Variants in KMT2A observed in about 807,000 individuals in gnomAD.
KMT2A encodes lysine methyltransferase 2A.
Under a neutral mutation model 345.3 loss-of-function variants are expected in KMT2A, and 16 were observed. The ratio of observed to expected loss-of-function variants is 0.05; its 90% CI spans 0.03 to 0.07. The LOEUF is 0.07. Among genes scored for constraint, KMT2A ranks in the 10% least tolerant of loss-of-function variants. The pLI is 1.00. For synonymous variants in KMT2A, 1,599 were observed against 1,778.6 expected, an observed-to-expected ratio of 0.90 and a Z score of 2.54; for missense variants, 3,272 against 4,841.6, an observed-to-expected ratio of 0.68 and a Z score of 9.62.
chr11:118,502,621 C>G lies in KMT2A; in HGVS notation c.6729C>G (p.Ala2243=), dbSNP rs1473681668. 3.1e-6 allele frequency: 5 copies of G among 1,614,074 alleles called. No individual in the cohort carries two copies. In the African/African-American group the frequency reaches 6.7e-5, roughly 22 times the overall value. ...TGTATDLESS[A]KVVDHVLGPL... is the part of the protein sequence containing the mutation. The stretch of plus-strand genomic sequence containing the variant: ...CCGCTACTGATCTTGAATCAAGTGC[C>G]AAAGTAGTTGATCATGTCTTAGGGC... Residue 2243 remains alanine, a synonymous_variant, in exon 27 of 36, where the codon GCC becomes GCG. Coordinates refer to ENST00000534358, the MANE Select transcript of KMT2A (RefSeq NM_001197104.2). This position sits in a 1 kb window ranked among gnomAD's most constrained non-coding sequence, Gnocchi z 4.9.
At chr11:118,451,517 A>G (rs1949537156) in intron 1 of KMT2A, among the ~76,000 whole-genome samples, 1 of 152,178 alleles carries the variant, frequency 6.6e-6, no homozygotes, top group African/African-American at 2.4e-5. Flanking sequence ...CCTCCTGAGT[A>G]GCTGAGACTA....
At chr11:118,515,357 G>A (rs2135261055) in intron 31 of KMT2A, among the ~76,000 whole-genome samples, 1 of 152,192 alleles carries the variant, frequency 6.6e-6, no homozygotes, top group East Asian at 1.9e-4. Flanking sequence ...CATTCTTCCT[G>A]TGCCTACGGA....
chr11:118,445,016 A>G (rs77144326), intron 1 of KMT2A, among the ~76,000 whole-genome samples: 6,693 of 152,308 alleles, frequency 0.044, 193 homozygotes, highest in Non-Finnish European at 0.068. Flanking sequence ...AGGAAGCCCT[A>G]ATTGTTAGAA....
chr11:118,475,742 A>G (rs1950026239), intron 3 of KMT2A, among the ~76,000 whole-genome samples: 1 of 152,112 alleles, frequency 6.6e-6, no homozygotes, highest in Non-Finnish European at 1.5e-5. Flanking sequence ...AAATAAATAA[A>G]ATTAATGTTA....
chr11:118,462,683 T>C (rs921980820), intron 1 of KMT2A, among the ~76,000 whole-genome samples: 2 of 152,040 alleles, frequency 1.3e-5, no homozygotes, highest in Non-Finnish European at 2.9e-5. Context: ...CTCAGCCTCC[T>C]GAGTAGCTGG....
At chr11:118,456,485 C>T (rs1040703957) in intron 1 of KMT2A, among the ~76,000 whole-genome samples, 2 of 151,972 alleles carry the variant, frequency 1.3e-5, no homozygotes, top group African/African-American at 2.4e-5. Context: ...ATTACAGGCA[C>T]CTGCCACCAC....
chr11:118,514,718 C>T (rs1486758582), intron 31 of KMT2A, among the ~76,000 whole-genome samples: 1 of 152,168 alleles, frequency 6.6e-6, no homozygotes, highest in Non-Finnish European at 1.5e-5. Flanking sequence ...ACCGCAACCT[C>T]CACCTCCCGA....
intron 31 of KMT2A, among the ~76,000 whole-genome samples, chr11:118,514,776 G>A (rs1555051169): frequency 6.6e-6 from 1 of 152,146 alleles, no homozygotes; most frequent in African/African-American, 2.4e-5. Context: ...TGGGATTACA[G>A]GCATGTGCCA....
intron 22 of KMT2A, 136 bp from the exon 23 acceptor site, chr11:118,499,167 C>G: frequency 1.5e-6 from 1 of 646,482 alleles, no homozygotes; most frequent in Non-Finnish European, 2.8e-6. Context: ...TTGGGAAATA[C>G]AGAAGTGTCC....
At chr11:118,475,681 G>A (rs781850427) in intron 3 of KMT2A, among the ~76,000 whole-genome samples, 3 of 151,850 alleles carry the variant, frequency 2.0e-5, no homozygotes, top group Non-Finnish European at 4.4e-5. Context: ...CGAGATCACG[G>A]CACTACACTC....
Position 118,477,085 on chromosome 11 carries a change from G to A in KMT2A, c.3334+103G>A. The A allele has an allele frequency of 4.6e-6, 5 of 1,075,886 alleles. No individual in the cohort carries two copies. The South Asian group carries it at 5.4e-5, about 12-fold the overall frequency. 66.6% of individuals were successfully genotyped at this position (1,075,886 alleles called of 1,614,324 possible). ...GCTCTTCATAGTTAGTAGGTCCTCT[G>A]AAAAACAGATGGCAAGAGGGGATTA... On this transcript the variant is annotated intron_variant, in intron 4 of 35. Transcript: ENST00000534358.
chr11:118,473,242 C>T lies in KMT2A; in HGVS notation c.2083C>T (p.Pro695Ser). The T allele has an allele frequency of 6.2e-7, 1 of 1,610,882 alleles. No homozygotes were observed. Among genetic ancestry groups the T allele is most frequent in the Non-Finnish European group, 8.5e-7 (1 of 1,178,496 alleles). Residue 695 changes from proline to serine, a missense_variant, in exon 3 of 36, where the codon CCT becomes TCT. Physicochemically the swap from Pro to Ser is moderately conservative, Grantham distance 74 (BLOSUM62 -1). Transcript: ENST00000534358. This position sits in a 1 kb window ranked among gnomAD's most constrained non-coding sequence, Gnocchi z 5.2. Reference protein sequence around the residue: ...GTRFDMHKRSPLLRAPRFTPS... With the variant: ...GTRFDMHKRSSLLRAPRFTPS... Reference sequence around the variant, plus strand: ...AAGGTTTGATATGCACAAAAGGAGCCCTCTTCTGAGAGCTCCAAGATTTAC... The same window carrying T: ...AAGGTTTGATATGCACAAAAGGAGCTCTCTTCTGAGAGCTCCAAGATTTAC...
intron 2 of KMT2A, among the ~76,000 whole-genome samples, chr11:118,470,104 G>C (rs1240986074): frequency 6.6e-6 from 1 of 152,170 alleles, no homozygotes; most frequent in Non-Finnish European, 1.5e-5. Flanking sequence ...ATATGTTGTG[G>C]ATCAGGGAAG....
Position 118,491,733 on chromosome 11 carries a change from T to G in KMT2A, c.4820-11T>G, listed in dbSNP as rs782260289. 2.5e-6 allele frequency: 4 copies of G among 1,582,564 alleles called. No individual in the cohort carries two copies. Among genetic ancestry groups the G allele is most frequent in the Admixed American group, 1.8e-5 (1 of 54,594 alleles). ...AGAGGACCTCATCATGGTAGGTTTT[T>G]GTTTTCTTAGATGAGATGTATGAGA... On this transcript the variant is annotated splice_polypyrimidine_tract_variant and intron_variant, in intron 14 of 35. Transcript: ENST00000534358. This position sits in a 1 kb window ranked among gnomAD's most constrained non-coding sequence, Gnocchi z 4.2.
rs375482063 is a variant in KMT2A, at chr11:118,459,071, CT to C, written c.433-9696del. 9.1e-3 allele frequency among the ~76,000 whole-genome samples: 1,377 copies of C among 152,018 alleles called. 23 individuals carry two copies. Among genetic ancestry groups the C allele is most frequent in the African/African-American group, 0.031 (1,302 of 41,446 alleles). On this transcript the variant is annotated intron_variant, in intron 1 of 35. Transcript: ENST00000534358. Reference sequence around the variant, plus strand: ...TTGAAGGGATTTGATTTTTCAAACTCTTTTTTTTCCCCCCTTTGAGACAGAG... The same window carrying C: ...TTGAAGGGATTTGATTTTTCAAACTCTTTTTTTCCCCCCTTTGAGACAGAG...
chr11:118,520,085 A>G lies in KMT2A; in HGVS notation c.11429+21A>G. ...GCTCGGTAAGTCTTGAGTGGGGAGC[A>G]GTCATTAGAAACTGCTTTCCCTCTC... On this transcript the variant is annotated intron_variant, in intron 33 of 35. Coordinates refer to ENST00000534358, the MANE Select transcript of KMT2A (RefSeq NM_001197104.2). This position sits in a 1 kb window ranked among gnomAD's most constrained non-coding sequence, Gnocchi z 4.3. 6.5e-7 allele frequency: 1 copy of G among 1,532,504 alleles called. No individual in the cohort carries two copies. Among genetic ancestry groups the G allele is most frequent in the South Asian group, 1.1e-5 (1 of 88,434 alleles). The allele number at this position is 1,532,504 out of a possible 1,614,324, so 94.9% of individuals were successfully genotyped here.
chr11:118,480,615 G>A (rs1950114113), intron 6 of KMT2A, among the ~76,000 whole-genome samples: 1 of 152,090 alleles, frequency 6.6e-6, no homozygotes, highest in South Asian at 2.1e-4. Context: ...TTTTTTAAAT[G>A]TATTTTTTTA....
At position 118,495,819 on chromosome 11, in the gene KMT2A, C is replaced by T. The variant is rs781805479; in HGVS notation, c.5483C>T (p.Pro1828Leu). The T allele has an allele frequency of 1.2e-6, 2 of 1,614,006 alleles. No individual in the cohort carries two copies. Among genetic ancestry groups the T allele is most frequent in the Non-Finnish European group, 1.7e-6 (2 of 1,179,966 alleles). ...CCTCCTTTAATGAAGAAAATCATTC[C>T]AGCTCCCAAACCCAAAGGTCCTGGA... Reference protein sequence around the residue: ...EQPPLMKKIIPAPKPKGPGEP... With the variant: ...EQPPLMKKIILAPKPKGPGEP... Residue 1828 changes from proline (P) to leucine (L), a missense_variant, in exon 19 of 36, where the codon CCA (proline) becomes CTA (leucine). This residue lies in a region of KMT2A where 235 missense variants were observed against 503.4 expected (regional missense o/e 0.47). Coordinates refer to ENST00000534358, the MANE Select transcript of KMT2A (RefSeq NM_001197104.2). This position sits in a 1 kb window ranked among gnomAD's most constrained non-coding sequence, Gnocchi z 4.1.
At chr11:118,461,760 G>A (rs900743408) in intron 1 of KMT2A, among the ~76,000 whole-genome samples, 1 of 152,076 alleles carries the variant, frequency 6.6e-6, no homozygotes, top group African/African-American at 2.4e-5. Flanking sequence ...AGCTTCTTTT[G>A]TCTTTTTTAT....
Sources: allele counts gnomAD v4.1 joint callset (sites outside exome capture counted in the v4.1 genomes callset), GRCh38; gene constraint gnomAD v4.1.1; regional missense constraint gnomAD v4.1.1; non-coding constraint Gnocchi (gnomAD v3.1); transcripts MANE v1.5; gene names NCBI Gene and HGNC (gene_info 2026-07-23, HGNC 2026-07-21).